MGST1: variants seen among roughly 807,000 people sequenced by gnomAD.
MGST1 encodes glutathione S-transferase 12.
A neutral mutation model predicts 8.9 loss-of-function variants in MGST1; 5 were observed. The observed-to-expected ratio is 0.56, with a 90% confidence interval of 0.29 to 1.19. The LOEUF is 1.19. MGST1 is among the 50% of genes most tolerant of loss of function. The pLI, the probability that MGST1 is intolerant of heterozygous loss-of-function variation, is 0.08. For synonymous variants in MGST1, 54 were observed against 67.8 expected, an observed-to-expected ratio of 0.80 and a Z score of 1.00; for missense variants, 182 against 187.4, an observed-to-expected ratio of 0.97 and a Z score of 0.17.
At chr12:16,358,796 T>A in intron 3 of MGST1, among the ~76,000 whole-genome samples, 1 of 145,054 alleles carries the variant, frequency 6.9e-6, no homozygotes, top group Admixed American at 6.9e-5. Context: ...TTTTTTTTTT[T>A]TTTTTTTTTT....
At chr12:16,457,481 T>A (rs1389691497) in intron 4 of MGST1, among the ~76,000 whole-genome samples, 2 of 151,912 alleles carry the variant, frequency 1.3e-5, no homozygotes, top group Non-Finnish European at 2.9e-5. Flanking sequence ...ATTACTCAAG[T>A]CTCATTTGTG....
chr12:16,434,052 C>A (rs1181041245), intron 1 of MGST1, among the ~76,000 whole-genome samples: 1 of 152,112 alleles, frequency 6.6e-6, no homozygotes, highest in East Asian at 1.9e-4. Flanking sequence ...GTCCCCATTA[C>A]ATTTCCCACT....
intron 1 of MGST1, among the ~76,000 whole-genome samples, chr12:16,421,894 T>A (rs1248867153): frequency 1.3e-5 from 2 of 152,200 alleles, no homozygotes; most frequent in African/African-American, 4.8e-5. Context: ...ACAAAGTGGC[T>A]GTTCTGGTTT....
rs200826544 is a variant in MGST1, at chr12:16,483,191, G to A, written n.482+99587G>A. ...TATTCTGCTAGCAAACCATTAGTGT[G>A]TCAGTATAATATTCATTAAGAGATT... On this transcript the variant is annotated intron_variant and non_coding_transcript_variant, in intron 4 of 4. Transcript: ENST00000538857. 2.4e-4 allele frequency among the ~76,000 whole-genome samples: 37 copies of A among 152,228 alleles called. No individual in the cohort carries two copies. The East Asian group carries it at 5.6e-3, about 23-fold the overall frequency.
At chr12:16,478,192 G>A (rs1446503205) in intron 4 of MGST1, among the ~76,000 whole-genome samples, 1 of 152,096 alleles carries the variant, frequency 6.6e-6, no homozygotes. Context: ...ACCACGCCCA[G>A]CTAATTTTTG....
intron 1 of MGST1, among the ~76,000 whole-genome samples, chr12:16,417,361 T>G (rs915130383): frequency 1.4e-4 from 21 of 152,194 alleles, no homozygotes; most frequent in Admixed American, 1.3e-3. Context: ...CATGATCTAA[T>G]CACCTCCCAT....
intron 4 of MGST1, among the ~76,000 whole-genome samples, chr12:16,448,362 A>G (rs1460060648): frequency 6.6e-6 from 1 of 151,854 alleles, no homozygotes; most frequent in Admixed American, 6.6e-5. Context: ...GTTTCAGCCT[A>G]ACTACTTAAA....
In MGST1 at chr12:16,582,908, G is replaced by A. The variant is rs1943205642; in HGVS notation, n.483-6620G>A. 6.6e-6 allele frequency among the ~76,000 whole-genome samples: 1 copy of A among 152,030 alleles called. No homozygotes were observed. The highest frequency in any genetic ancestry group is 2.4e-5 in the African/African-American group (1 of 41,404). The stretch of plus-strand genomic sequence containing the variant: ...ACTAAAATAAAAAAATTAGCCGGGA[G>A]TGGTGGCATGCACCTGTAATCCCAG... On this transcript the variant is annotated intron_variant and non_coding_transcript_variant, in intron 4 of 4. Coordinates refer to the MGST1 transcript ENST00000538857. The surrounding 1 kb of genome is among the most constrained non-coding windows in gnomAD (Gnocchi z 4.1).
intron 4 of MGST1, among the ~76,000 whole-genome samples, chr12:16,572,656 T>A (rs1942855884): frequency 1.3e-5 from 2 of 148,204 alleles, no homozygotes; most frequent in South Asian, 2.1e-4. Flanking sequence ...TTAAGTCAGT[T>A]ACCTCTGACT....
chr12:16,402,808 A>G (rs761581060), intron 1 of MGST1, among the ~76,000 whole-genome samples: 11 of 151,690 alleles, frequency 7.3e-5, no homozygotes, highest in Non-Finnish European at 1.6e-4. Flanking sequence ...CCTTCATTAT[A>G]TAGGTGTTCT....
intron 4 of MGST1, among the ~76,000 whole-genome samples, chr12:16,445,588 A>G (rs529377384): frequency 1.3e-5 from 2 of 152,092 alleles, no homozygotes; most frequent in African/African-American, 4.8e-5. Context: ...CATTCCATGT[A>G]AATGAAAACT....
intron 3 of MGST1, among the ~76,000 whole-genome samples, chr12:16,359,544 G>C (rs576119127): frequency 6.6e-6 from 1 of 152,066 alleles, no homozygotes; most frequent in African/African-American, 2.4e-5. Context: ...TCAGGACAAA[G>C]AATCACTGTG....
At chr12:16,456,410 T>C (rs1201209974) in intron 4 of MGST1, among the ~76,000 whole-genome samples, 1 of 151,824 alleles carries the variant, frequency 6.6e-6, no homozygotes, top group Non-Finnish European at 1.5e-5. Context: ...TGAAAAAACG[T>C]TTTAAATCTT....
intron 1 of MGST1, among the ~76,000 whole-genome samples, chr12:16,412,374 TATTA>T (rs1395156687): frequency 6.6e-6 from 1 of 152,230 alleles, no homozygotes; most frequent in African/African-American, 2.4e-5. Flanking sequence ...TATTTTGAGC[TATTA>T]ATTTTTTTCC....
chr12:16,347,366 G>A (rs114989517), upstream of MGST1, among the ~76,000 whole-genome samples: 450 of 152,280 alleles, frequency 3.0e-3, 1 homozygote, highest in African/African-American at 9.9e-3. This position sits in a 1 kb window ranked among gnomAD's most constrained non-coding sequence, Gnocchi z 4.0. Flanking sequence ...AAACTCTGCT[G>A]ATCCTGAAAT....
In MGST1 at chr12:16,399,298, G is replaced by A. The variant is rs562061905; in HGVS notation, n.778+15694G>A. On this transcript the variant is annotated intron_variant and non_coding_transcript_variant, in intron 1 of 1. Transcript: ENST00000359720. The stretch of plus-strand genomic sequence containing the variant: ...AGTTACTTCCTCTTTTTCTTGGGGG[G>A]TGCAGAGCTGTGTGTGGAACCATGG... The A allele has an allele frequency of 9.3e-4, 1,492 of 1,606,028 alleles. 3 individuals carry two copies. The highest frequency in any genetic ancestry group is 1.2e-3 in the Non-Finnish European group (1,354 of 1,174,424).
At chr12:16,365,260 A>AT (rs33948944), downstream of MGST1, among the ~76,000 whole-genome samples, 71,876 of 151,740 alleles carry the variant, frequency 0.47, 17,670 homozygotes, top group East Asian at 0.79. Flanking sequence ...ACAAATTTAG[A>AT]TTTTTTTGGT....
intron 4 of MGST1, among the ~76,000 whole-genome samples, chr12:16,447,332 C>G (rs1941088089): frequency 6.6e-6 from 1 of 151,936 alleles, no homozygotes; most frequent in African/African-American, 2.4e-5. Context: ...CCACTCAGGT[C>G]TGGTATAACC....
At chr12:16,524,322 G>A (rs1941667853) in intron 4 of MGST1, among the ~76,000 whole-genome samples, 1 of 151,576 alleles carries the variant, frequency 6.6e-6, no homozygotes, top group South Asian at 2.1e-4. Flanking sequence ...GAACTTTTTT[G>A]TTAACTAATC....
Sources: allele counts gnomAD v4.1 joint callset (sites outside exome capture counted in the v4.1 genomes callset), GRCh38; gene constraint gnomAD v4.1.1; non-coding constraint Gnocchi (gnomAD v3.1); transcripts MANE v1.5; gene names NCBI Gene and HGNC (gene_info 2026-07-23, HGNC 2026-07-21).